LRRTM4: variants seen among roughly 807,000 people sequenced by gnomAD.
LRRTM4 encodes leucine rich repeat transmembrane neuronal 4, also known as leucine-rich repeat transmembrane neuronal protein 4.
In LRRTM4, 25 loss-of-function variants were observed where a neutral mutation model predicts 47.6. The observed-to-expected ratio is 0.53, with a 90% CI of 0.38 to 0.73. The LOEUF (loss-of-function observed/expected upper bound fraction) is 0.73. Among genes scored for constraint, LRRTM4 ranks in the 30% least tolerant of loss-of-function variants. The pLI is 0.00. For synonymous variants in LRRTM4, 311 were observed against 269.5 expected, an observed-to-expected ratio of 1.15 and a Z score of -1.51; for missense variants, 638 against 713.4, an observed-to-expected ratio of 0.89 and a Z score of 1.20.
At chr2:76,787,839 C>T (rs1249897274) in intron 3 of LRRTM4, among the ~76,000 whole-genome samples, 1 of 152,122 alleles carries the variant, frequency 6.6e-6, no homozygotes, top group Admixed American at 6.6e-5. Context: ...CAGTTCATCT[C>T]ACCAGTCCTT....
intron 3 of LRRTM4, among the ~76,000 whole-genome samples, chr2:76,966,340 GAA>G (rs1463866179): frequency 6.6e-6 from 1 of 151,262 alleles, no homozygotes; most frequent in Non-Finnish European, 1.5e-5. Flanking sequence ...AAGTGGGAGA[GAA>G]AGAAAAGAGA....
chr2:77,206,575 C>G (rs1674132972), intron 3 of LRRTM4, among the ~76,000 whole-genome samples: 1 of 152,044 alleles, frequency 6.6e-6, no homozygotes, highest in Non-Finnish European at 1.5e-5. Flanking sequence ...ACCTCCGCCT[C>G]CCGGGTTCAA....
At chr2:77,312,480 C>T (rs750522309) in intron 3 of LRRTM4, among the ~76,000 whole-genome samples, 3 of 152,094 alleles carry the variant, frequency 2.0e-5, no homozygotes, top group Admixed American at 2.0e-4. Flanking sequence ...ACTTAAAAAT[C>T]TAAAATTTAA....
intron 3 of LRRTM4, among the ~76,000 whole-genome samples, chr2:77,459,465 G>C (rs2103969167): frequency 6.6e-6 from 1 of 151,598 alleles, no homozygotes; most frequent in Admixed American, 6.6e-5. Context: ...TATTGTAAAA[G>C]TCCTTAATAA....
At chr2:77,041,938 C>A (rs1011486898) in intron 3 of LRRTM4, among the ~76,000 whole-genome samples, 1 of 150,842 alleles carries the variant, frequency 6.6e-6, no homozygotes, top group Non-Finnish European at 1.5e-5. Flanking sequence ...AGAGAATCAT[C>A]TGAATACACT....
At chr2:77,126,915 G>A (rs902167135) in intron 3 of LRRTM4, among the ~76,000 whole-genome samples, 1 of 152,126 alleles carries the variant, frequency 6.6e-6, no homozygotes. Context: ...TCAGAGAGCA[G>A]CTGAGAATTA....
chr2:77,442,954 A>G (rs1049516647), intron 3 of LRRTM4, among the ~76,000 whole-genome samples: 1 of 152,084 alleles, frequency 6.6e-6, no homozygotes, highest in Non-Finnish European at 1.5e-5. Flanking sequence ...TGGGTACATC[A>G]TTTTGTAGGT....
At chr2:77,066,163 C>T (rs976559979) in intron 3 of LRRTM4, among the ~76,000 whole-genome samples, 2 of 152,144 alleles carry the variant, frequency 1.3e-5, no homozygotes, top group Non-Finnish European at 2.9e-5. Context: ...AGCTCAGATA[C>T]TGAGTTAGAT....
At chr2:76,852,229 G>A (rs906518974) in intron 3 of LRRTM4, among the ~76,000 whole-genome samples, 2 of 152,020 alleles carry the variant, frequency 1.3e-5, no homozygotes, top group African/African-American at 4.8e-5. Flanking sequence ...CACAACTTCT[G>A]TTCTATGGAA....
At chr2:77,501,347 A>G (rs538248715) in intron 3 of LRRTM4, among the ~76,000 whole-genome samples, 1 of 150,886 alleles carries the variant, frequency 6.6e-6, no homozygotes, top group African/African-American at 2.4e-5. Context: ...TACATAGTCC[A>G]TACGCATAAC....
chr2:77,361,406 T>A (rs1672204881), intron 3 of LRRTM4, among the ~76,000 whole-genome samples: 1 of 152,192 alleles, frequency 6.6e-6, no homozygotes, highest in Non-Finnish European at 1.5e-5. Flanking sequence ...TGTTGCTTTC[T>A]AAGACATTGT....
chr2:77,374,337 G>A (rs1353039531), intron 3 of LRRTM4, among the ~76,000 whole-genome samples: 3 of 151,814 alleles, frequency 2.0e-5, no homozygotes, highest in African/African-American at 7.2e-5. Flanking sequence ...AAATTAGGCA[G>A]TGGATTTCTC....
chr2:76,787,584 TTTTAGTG>T (rs1674743348), intron 3 of LRRTM4, among the ~76,000 whole-genome samples: 1 of 152,026 alleles, frequency 6.6e-6, no homozygotes, highest in African/African-American at 2.4e-5. Context: ...AATTTTTTTT[TTTTAGTG>T]TTTTGGTTAA....
At chr2:76,762,289 G>A (rs79163977) in intron 3 of LRRTM4, among the ~76,000 whole-genome samples, 2,107 of 152,148 alleles carry the variant, frequency 0.014, 48 homozygotes, top group African/African-American at 0.043. Context: ...AATTCACCAC[G>A]CTGTACTTTG....
chr2:76,847,387 T>TA (rs1232972467), intron 3 of LRRTM4, among the ~76,000 whole-genome samples: 1 of 152,108 alleles, frequency 6.6e-6, no homozygotes, highest in Non-Finnish European at 1.5e-5. Context: ...AATTCCAAAA[T>TA]AATTCTCTTT....
At chr2:77,351,729 G>T (rs1473733512) in intron 3 of LRRTM4, among the ~76,000 whole-genome samples, 2 of 151,216 alleles carry the variant, frequency 1.3e-5, no homozygotes, top group Non-Finnish European at 2.9e-5. Context: ...ATTGAGTCAT[G>T]AATTCAGACT....
At chr2:77,368,314 G>A (rs1672533161) in intron 3 of LRRTM4, among the ~76,000 whole-genome samples, 2 of 151,626 alleles carry the variant, frequency 1.3e-5, no homozygotes. Context: ...CTGGATTCAA[G>A]GGATAAAGAA....
chr2:77,086,936 G>C (rs555952342), intron 3 of LRRTM4, among the ~76,000 whole-genome samples: 2 of 152,148 alleles, frequency 1.3e-5, no homozygotes, highest in East Asian at 3.9e-4. Flanking sequence ...AAAAACAACT[G>C]ACAAAGCACA....
At chr2:77,038,672 C>G (rs1678923692) in intron 3 of LRRTM4, among the ~76,000 whole-genome samples, 1 of 151,496 alleles carries the variant, frequency 6.6e-6, no homozygotes, top group African/African-American at 2.4e-5. Context: ...TAGTTTTAGT[C>G]TCCTTCTGCC....
Sources: allele counts gnomAD v4.1 joint callset (sites outside exome capture counted in the v4.1 genomes callset), GRCh38; gene constraint gnomAD v4.1.1; transcripts MANE v1.5; gene names NCBI Gene and HGNC (gene_info 2026-07-23, HGNC 2026-07-21).